The following CEACAM21 variants were observed in gnomAD, a reference collection of about 807,000 sequenced individuals.
The protein encoded by CEACAM21 is CEA cell adhesion molecule 21.
Under a neutral mutation model 33.2 loss-of-function variants are expected in CEACAM21, and 38 were observed. The ratio of observed to expected loss-of-function variants is 1.14; its 90% CI spans 0.88 to 1.50. The LOEUF is 1.50. CEACAM21 is among the 40% of genes most tolerant of loss of function. The probability of loss-of-function intolerance (pLI) is 0.00; values close to 1 mark genes in which losing one functional copy is unlikely to be tolerated. For missense variants in CEACAM21, 385 were observed against 364.6 expected, an observed-to-expected ratio of 1.06 and a Z score of -0.46; for synonymous variants, 156 against 143.0, an observed-to-expected ratio of 1.09 and a Z score of -0.65.
At position 41,560,043 on chromosome 19, in the gene CEACAM21, C is replaced by T. The variant is rs550765655; in HGVS notation, c.-778-4639C>T. Among the ~76,000 whole-genome samples, 10 of 152,192 alleles carry T rather than the reference C, an allele frequency of 6.6e-5. No homozygotes were observed. In the South Asian group the frequency reaches 1.7e-3, roughly 25 times the overall value. ...AAAAAGCATGAGTAGCCCTATCAAC[C>T]AATAATGAAACTGAATTGGTATTTT... On this transcript the variant is annotated intron_variant, in intron 1 of 7. Coordinates refer to the CEACAM21 transcript ENST00000407170.
At chr19:41,584,682 G>C (rs916535363) in intron 4 of CEACAM21, among the ~76,000 whole-genome samples, 1 of 152,180 alleles carries the variant, frequency 6.6e-6, no homozygotes, top group Non-Finnish European at 1.5e-5. Context: ...CATGGTCCTA[G>C]TTTCCTAGCA....
chr19:41,567,529 A>C (rs187258979), intron 2 of CEACAM21, among the ~76,000 whole-genome samples: 1 of 152,228 alleles, frequency 6.6e-6, no homozygotes, highest in South Asian at 2.1e-4. Flanking sequence ...GCTACTGCAT[A>C]AAAGGGTGCC....
chr19:41,586,424 G>A (rs1367524983), intron 6 of CEACAM21, 40 bp from the exon 7 acceptor site: 1 of 625,666 alleles, frequency 1.6e-6, no homozygotes, highest in African/African-American at 1.8e-5. Context: ...CCTGTTCTGA[G>A]AAGGCCTCAG....
chr19:41,586,627 C>T lies in CEACAM21; in HGVS notation c.*164C>T, dbSNP rs1555795719. The T allele has an allele frequency of 1.8e-6, 1 of 562,436 alleles. No individual in the cohort carries two copies. Among genetic ancestry groups the T allele is most frequent in the Non-Finnish European group, 3.5e-6 (1 of 289,126 alleles). The allele number at this position is 562,436 out of a possible 1,614,324, so 34.8% of individuals were successfully genotyped here. ...CATGGAGCCTGAGCCAGAGAACCAG[C>T]TCTGAGTCCTGAGGAGACACAGGCC... On this transcript the variant is annotated 3_prime_UTR_variant, in exon 7 of 7. Transcript: ENST00000401445.
At chr19:41,574,946 A>G (rs1426484355), upstream of CEACAM21, among the ~76,000 whole-genome samples, 2 of 152,222 alleles carry the variant, frequency 1.3e-5, no homozygotes, top group Non-Finnish European at 2.9e-5. Flanking sequence ...CCACATGTCC[A>G]TTAAGAGATG....
At chr19:41,560,323 A>G (rs1399752441) in intron 1 of CEACAM21, among the ~76,000 whole-genome samples, 2 of 152,094 alleles carry the variant, frequency 1.3e-5, no homozygotes, top group African/African-American at 4.8e-5. Context: ...CCTAGGCTCA[A>G]GCAATCCTCC....
chr19:41,556,074 C>A (rs1226252818), intron 1 of CEACAM21, among the ~76,000 whole-genome samples: 3 of 152,144 alleles, frequency 2.0e-5, no homozygotes, highest in East Asian at 1.9e-4. Context: ...GAACAGGAGA[C>A]CCCCAAAAGG....
At chr19:41,556,612 T>A (rs942070933) in intron 1 of CEACAM21, among the ~76,000 whole-genome samples, 3 of 152,252 alleles carry the variant, frequency 2.0e-5, no homozygotes, top group African/African-American at 7.2e-5. Context: ...AAAGGTAATC[T>A]CACCAATACT....
At chr19:41,582,901 G>T (rs782564516) in intron 3 of CEACAM21, among the ~76,000 whole-genome samples, 2 of 152,212 alleles carry the variant, frequency 1.3e-5, no homozygotes, top group Non-Finnish European at 2.9e-5. Flanking sequence ...GCTCTTCATT[G>T]TTTATGCACA....
chr19:41,574,133 T>G (rs2042780160), upstream of CEACAM21, among the ~76,000 whole-genome samples: 1 of 152,198 alleles, frequency 6.6e-6, no homozygotes, highest in Non-Finnish European at 1.5e-5. Flanking sequence ...CTGGAACAAC[T>G]GGATAACCAC....
intron 2 of CEACAM21, among the ~76,000 whole-genome samples, chr19:41,569,867 C>G (rs1413349435): frequency 6.6e-6 from 1 of 152,226 alleles, no homozygotes; most frequent in Non-Finnish European, 1.5e-5. Context: ...CTCTCACCCT[C>G]TAAATCAGAA....
rs190949381 is a variant in CEACAM21 at position 41,570,519 on chromosome 19, C to T, written c.-404+5463C>T. On this transcript the variant is annotated intron_variant, in intron 2 of 7. Transcript: ENST00000407170. ...CAATGCAAGAAGGAGATGAGAGGCC[C>T]GGGTCCCCACAGACAACTCAGCAGT... Among the ~76,000 whole-genome samples, 412 of 152,220 alleles carry T rather than the reference C, an allele frequency of 2.7e-3. 1 individual carries two copies. Among genetic ancestry groups the T allele is most frequent in the African/African-American group, 9.4e-3 (392 of 41,530 alleles).
At chr19:41,584,494 C>A in intron 4 of CEACAM21, 51 bp downstream of exon 4, 2 of 1,503,736 alleles carry the variant, frequency 1.3e-6, no homozygotes, top group South Asian at 1.2e-5. Context: ...TGACCCCAGG[C>A]GAGAAGGAAG....
intron 2 of CEACAM21, among the ~76,000 whole-genome samples, chr19:41,565,971 G>T (rs1389254391): frequency 7.2e-6 from 1 of 139,544 alleles, no homozygotes; most frequent in Admixed American, 7.1e-5. Context: ...GGGGGGGCGG[G>T]GGGGGTGGGG....
At chr19:41,573,917 T>C (rs1344223877), upstream of CEACAM21, among the ~76,000 whole-genome samples, 1 of 151,952 alleles carries the variant, frequency 6.6e-6, no homozygotes, top group Non-Finnish European at 1.5e-5. Flanking sequence ...GAAAAAAAAA[T>C]TGGAGGACTC....
At chr19:41,551,542 G>C (rs1245577910) in intron 1 of CEACAM21, 2 of 149,966 alleles carry the variant, frequency 1.3e-5, no homozygotes, top group Non-Finnish European at 2.9e-5. Flanking sequence ...TCAATATGGA[G>C]AGAACCCGTG....
intron 1 of CEACAM21, among the ~76,000 whole-genome samples, chr19:41,557,947 A>G (rs1555785924): frequency 6.6e-6 from 1 of 152,190 alleles, no homozygotes. Context: ...GAAGTAGCAA[A>G]TGATAGAGCC....
chr19:41,574,302 A>C (rs1357599472), upstream of CEACAM21, among the ~76,000 whole-genome samples: 3 of 152,238 alleles, frequency 2.0e-5, no homozygotes, highest in African/African-American at 7.2e-5. Context: ...GGTTTCTTCA[A>C]TATGACATCA....
chr19:41,572,028 C>G (rs1002025922), upstream of CEACAM21, among the ~76,000 whole-genome samples: 15 of 151,384 alleles, frequency 9.9e-5, no homozygotes, highest in African/African-American at 3.4e-4. Flanking sequence ...ACAGGAATAA[C>G]CAGTAGAAAT....
Sources: gnomAD v4.1 joint callset for allele counts (sites outside exome capture counted in the v4.1 genomes callset) on GRCh38, gnomAD v4.1.1 for gene constraint, MANE v1.5 for transcripts, NCBI Gene and HGNC (gene_info 2026-07-23, HGNC 2026-07-21) for gene names.